The following TMUB1 variants were observed in gnomAD, a reference collection of about 807,000 sequenced individuals.
TMUB1 encodes the protein transmembrane and ubiquitin-like domain-containing protein 1.
A neutral mutation model predicts 16.2 loss-of-function variants in TMUB1; 9 were observed. The observed-to-expected ratio is 0.55, with a 90% CI of 0.33 to 0.97. The LOEUF (loss-of-function observed/expected upper bound fraction) is 0.97, where lower values mean the gene tolerates loss of function less well. Ranked by LOEUF, TMUB1 falls within the 50% of genes least tolerant of loss-of-function variation. The probability of loss-of-function intolerance (pLI) is 0.03; values close to 1 mark genes in which losing one functional copy is unlikely to be tolerated. For missense variants in TMUB1, 309 were observed against 313.5 expected (o/e 0.99, Z 0.11); for synonymous variants, 155 against 152.2 (o/e 1.02, Z -0.13).
chr7:151,081,336 G>T lies in TMUB1; in HGVS notation c.*213C>A. Reference sequence around the variant, plus strand: ...GAGCCCACTCCCAGTGCGGGCTGAGGGTCAGCAGCCCCGGGAGGTGGCCCC... The same window carrying T: ...GAGCCCACTCCCAGTGCGGGCTGAGTGTCAGCAGCCCCGGGAGGTGGCCCC... On this transcript the variant is annotated 3_prime_UTR_variant, in exon 3 of 3. Transcript: ENST00000297533. This position sits in a 1 kb window ranked among gnomAD's most constrained non-coding sequence, Gnocchi z 7.6. The T allele has an allele frequency of 1.1e-6, 1 of 871,594 alleles. No homozygotes were observed. The highest frequency in any genetic ancestry group is 1.5e-6 in the Non-Finnish European group (1 of 675,060). 54.0% of individuals were successfully genotyped at this position (871,594 alleles called of 1,614,324 possible). A position where few individuals can be genotyped will look rare whatever the true frequency, so the allele number is the denominator to read the frequency against.
chr7:151,082,540 A>C lies in TMUB1; in HGVS notation c.24T>G (p.Gly8=). 6.6e-7 allele frequency: 1 copy of C among 1,512,778 alleles called. No homozygotes were observed. The highest frequency in any genetic ancestry group is 8.9e-7 in the Non-Finnish European group (1 of 1,129,646). The allele number at this position is 1,512,778 out of a possible 1,614,324, so 93.7% of individuals were successfully genotyped here. Residue 8 remains glycine (G), a synonymous_variant, in exon 2 of 3, where the codon GGT becomes GGG. Transcript: ENST00000297533. The surrounding 1 kb of genome is among the most constrained non-coding windows in gnomAD (Gnocchi z 7.0). Reference sequence around the variant, plus strand: ...CCGAGAAAAGGACGGTCACCTCATCACCCACCCCTTCAATCAGGGTCATGG... The same window carrying C: ...CCGAGAAAAGGACGGTCACCTCATCCCCCACCCCTTCAATCAGGGTCATGG... The part of the protein sequence containing the change: MTLIEGV[G]DEVTVLFSVL...
chr7:151,082,203 G>A lies in TMUB1; in HGVS notation c.361C>T (p.Pro121Ser). The change falls in exon 2 of 3, where the codon CCC becomes TCC. Residue 121 changes from proline to serine, a missense_variant. By Grantham distance (74) the Pro-to-Ser change is moderately conservative. Coordinates refer to ENST00000297533, the MANE Select transcript of TMUB1 (RefSeq NM_001136044.2). The surrounding 1 kb of genome is among the most constrained non-coding windows in gnomAD (Gnocchi z 7.0). ...TTCAAGGAGCCAATGGTGTCGTGGG[G>A]CCAGGCCCTGGCCACCTGCTCTGAA... is the stretch of plus-strand genomic sequence containing the variant. ...NDSEQVARAW[P>S]HDTIGSLKRT... 1.3e-6 allele frequency: 2 copies of A among 1,520,648 alleles called. No homozygotes were observed. Among genetic ancestry groups the A allele is most frequent in the Non-Finnish European group, 1.8e-6 (2 of 1,132,742 alleles). 94.2% of individuals were successfully genotyped at this position (1,520,648 alleles called of 1,614,324 possible). A position where few individuals can be genotyped will look rare whatever the true frequency, so the allele number is the denominator to read the frequency against.
Position 151,081,648 on chromosome 7 carries a change from C to G in TMUB1, c.642G>C (p.Gln214His), listed in dbSNP as rs551246666. ...LLLLLLLWYC[Q>H]IQYRPFFPLT... ...GGGGAAAGAAGGGCCGGTACTGGAT[C>G]TGGCAGTACCAGAGCAGCAGCAACA... Residue 214 changes from glutamine (Q) to histidine (H), a missense_variant, in exon 3 of 3, where the codon CAG becomes CAC. Physicochemically the swap from Gln to His is conservative, Grantham distance 24 (BLOSUM62 0). Transcript: ENST00000297533. The surrounding 1 kb of genome is among the most constrained non-coding windows in gnomAD (Gnocchi z 7.6). The G allele has an allele frequency of 1.3e-6, 2 of 1,598,752 alleles. No homozygotes were observed. The highest frequency in any genetic ancestry group is 2.7e-5 in the African/African-American group (2 of 74,914).
At position 151,081,639 on chromosome 7, in the gene TMUB1, G is replaced by C. The variant is rs760266835; in HGVS notation, c.651C>G (p.Tyr217Ter). Residue 217 changes from tyrosine to a stop codon, truncating the protein, a stop_gained, in exon 3 of 3, where the codon TAC (tyrosine) becomes TAG (stop). Coordinates refer to ENST00000297533, the MANE Select transcript of TMUB1 (RefSeq NM_001136044.2). LOFTEE classifies it high-confidence loss of function. The surrounding 1 kb of genome is among the most constrained non-coding windows in gnomAD (Gnocchi z 7.6). ...TGGCGGTCAGGGGAAAGAAGGGCCG[G>C]TACTGGATCTGGCAGTACCAGAGCA... The part of the protein sequence containing the change: ...LLLLWYCQIQ[Y>*]RPFFPLTATL... 6.2e-7 allele frequency: 1 copy of C among 1,600,906 alleles called. No homozygotes were observed. Among genetic ancestry groups the C allele is most frequent in the South Asian group, 1.1e-5 (1 of 89,378 alleles).
In TMUB1 at chr7:151,082,240, T is replaced by C. The variant is rs371864118; in HGVS notation, c.324A>G (p.Lys108=). Reference sequence around the variant, plus strand: ...CCACCTGCTCTGAATCATTGAGGAATTTCAGCCGTAGCACGAGGGGCTCCT... The same window carrying C: ...CCACCTGCTCTGAATCATTGAGGAACTTCAGCCGTAGCACGAGGGGCTCCT... ...SPQEPLVLRL[K]FLNDSEQVAR... The change falls in exon 2 of 3, where the codon AAA becomes AAG. Residue 108 remains lysine, a synonymous_variant. Transcript: ENST00000297533. The surrounding 1 kb of genome is among the most constrained non-coding windows in gnomAD (Gnocchi z 7.0). 1.7e-5 allele frequency: 26 copies of C among 1,551,290 alleles called. 1 individual carries two copies. The highest frequency in any genetic ancestry group is 9.2e-5 in the East Asian group (4 of 43,516).
rs1798040130 is a variant in TMUB1, at chr7:151,083,022, G to C, written c.-31+412C>G. 6.4e-6 allele frequency: 1 copy of C among 156,304 alleles called. No individual in the cohort carries two copies. The highest frequency in any genetic ancestry group is 2.0e-4 in the South Asian group (1 of 4,890). 9.7% of individuals were successfully genotyped at this position (156,304 alleles called of 1,614,324 possible). On this transcript the variant is annotated intron_variant, in intron 1 of 2. Coordinates refer to ENST00000297533, the MANE Select transcript of TMUB1 (RefSeq NM_001136044.2). This position sits in a 1 kb window ranked among gnomAD's most constrained non-coding sequence, Gnocchi z 5.9. ...TCCGCTGCTAAAGTTTCTAAGAGGT[G>C]GGGGTAGAGCCTCTGTGCCCCCACC... is the stretch of plus-strand genomic sequence containing the variant.
Position 151,081,951 on chromosome 7 carries a change from C to A in TMUB1, c.390-51G>T. 6.9e-7 allele frequency: 1 copy of A among 1,451,692 alleles called. No homozygotes were observed. Among genetic ancestry groups the A allele is most frequent in the South Asian group, 1.4e-5 (1 of 69,022 alleles). The allele number at this position is 1,451,692 out of a possible 1,614,324, so 89.9% of individuals were successfully genotyped here. ...AGAGCAGGCCTCAGGCAATCCTAGT[C>A]CCTGGCCCCGGAACAGCACTCCCAC... On this transcript the variant is annotated intron_variant, in intron 2 of 2. Transcript: ENST00000297533. This position sits in a 1 kb window ranked among gnomAD's most constrained non-coding sequence, Gnocchi z 7.6.
chr7:151,082,461 C>G lies in TMUB1; in HGVS notation c.103G>C (p.Glu35Gln). 6.2e-7 allele frequency: 1 copy of G among 1,604,548 alleles called. No individual in the cohort carries two copies. The highest frequency in any genetic ancestry group is 8.5e-7 in the Non-Finnish European group (1 of 1,175,092). Residue 35 changes from glutamate (E) to glutamine (Q), a missense_variant, in exon 2 of 3, where the codon GAG (glutamate) becomes CAG (glutamine). Physicochemically the swap from Glu to Gln is conservative, Grantham distance 29. Coordinates refer to ENST00000297533, the MANE Select transcript of TMUB1 (RefSeq NM_001136044.2). The surrounding 1 kb of genome is among the most constrained non-coding windows in gnomAD (Gnocchi z 7.0). ...GGCTGGGGCAGTGGGTCCCCGCCCTCAGCGGTGTGCGTTGAGACCCAGGCA... is the reference window on the plus strand; with the variant it reads ...GGCTGGGGCAGTGGGTCCCCGCCCTGAGCGGTGTGCGTTGAGACCCAGGCA... ...ALAWVSTHTA[E>Q]GGDPLPQPSG...
In TMUB1 at chr7:151,081,562, A is replaced by G; in HGVS notation, c.728T>C (p.Met243Thr). ...TLLLSLLAFA[M>T]YRP is the part of the protein sequence containing the mutation. ...CCCGCGGAGGCACTACGGGCGGTAC[A>G]TGGCAAAGGCCAGGAGACTGAGGAG... The change falls in exon 3 of 3, where the codon ATG (methionine) becomes ACG (threonine). Residue 243 changes from methionine (M) to threonine (T), a missense_variant. Transcript: ENST00000297533. The surrounding 1 kb of genome is among the most constrained non-coding windows in gnomAD (Gnocchi z 7.6). 1 of 1,601,552 alleles carries G rather than the reference A, an allele frequency of 6.2e-7. No individual in the cohort carries two copies. Among genetic ancestry groups the G allele is most frequent in the Non-Finnish European group, 8.5e-7 (1 of 1,174,222 alleles).
chr7:151,082,581 C>G lies in TMUB1; in HGVS notation c.-18G>C. On this transcript the variant is annotated 5_prime_UTR_variant, in exon 2 of 3. Transcript: ENST00000297533. This position sits in a 1 kb window ranked among gnomAD's most constrained non-coding sequence, Gnocchi z 7.0. ...AGGGTCATGGCGCCTGCCTTGCCCG[C>G]CGCGCTACCGAGCTGGAGAGGCACA... 6.7e-7 allele frequency: 1 copy of G among 1,483,732 alleles called. No individual in the cohort carries two copies. The allele number at this position is 1,483,732 out of a possible 1,614,324, so 91.9% of individuals were successfully genotyped here.
Position 151,082,049 on chromosome 7 carries a change from G to T in TMUB1, c.389+126C>A. ...GTCTGCCAGGGGAACAAGTACAGTT[G>T]TGATCTGGGGCGCTCAGCGCCTCCA... On this transcript the variant is annotated intron_variant, in intron 2 of 2. Transcript: ENST00000297533. The surrounding 1 kb of genome is among the most constrained non-coding windows in gnomAD (Gnocchi z 7.0). 9.2e-6 allele frequency: 13 copies of T among 1,415,136 alleles called. No homozygotes were observed. The highest frequency in any genetic ancestry group is 1.2e-5 in the Non-Finnish European group (13 of 1,065,054). The allele number at this position is 1,415,136 out of a possible 1,614,324, so 87.7% of individuals were successfully genotyped here.
chr7:151,081,166 A>C lies in TMUB1; in HGVS notation c.*383T>G. 1 of 203,584 alleles carries C rather than the reference A, an allele frequency of 4.9e-6. No homozygotes were observed. Among genetic ancestry groups the C allele is most frequent in the Non-Finnish European group, 9.8e-6 (1 of 101,830 alleles). 12.6% of individuals were successfully genotyped at this position (203,584 alleles called of 1,614,324 possible). ...CCCCGCTCCCCTTCACCAGCCTCCC[A>C]CCGACCTGGCGTCCCCAACTCAGCC... On this transcript the variant is annotated 3_prime_UTR_variant, in exon 3 of 3. Transcript: ENST00000297533. This position sits in a 1 kb window ranked among gnomAD's most constrained non-coding sequence, Gnocchi z 7.6.
Position 151,082,612 on chromosome 7 carries a change from C to A in TMUB1, c.-30-19G>T. ...TACCGAGCTGGAGAGGCACAAAGAG[C>A]CCGTGAGGCCCGGGCCCCCTGGCCA... is the stretch of plus-strand genomic sequence containing the variant. On this transcript the variant is annotated intron_variant, in intron 1 of 2. Transcript: ENST00000297533. The surrounding 1 kb of genome is among the most constrained non-coding windows in gnomAD (Gnocchi z 7.0). 1 of 1,455,542 alleles carries A rather than the reference C, an allele frequency of 6.9e-7. No homozygotes were observed. The highest frequency in any genetic ancestry group is 9.1e-7 in the Non-Finnish European group (1 of 1,103,158). The allele number at this position is 1,455,542 out of a possible 1,614,324, so 90.2% of individuals were successfully genotyped here. A position where few individuals can be genotyped will look rare whatever the true frequency, so the allele number is the denominator to read the frequency against.
rs759877379 is a variant in TMUB1, at chr7:151,082,553, A to C, written c.11T>G (p.Ile4Ser). Residue 4 changes from isoleucine to serine, a missense_variant, in exon 2 of 3, where the codon ATT (isoleucine) becomes AGT (serine). Transcript: ENST00000297533. The surrounding 1 kb of genome is among the most constrained non-coding windows in gnomAD (Gnocchi z 7.0). MTLIEGVGDEVTVL... is the reference protein window; with the variant it reads MTLSEGVGDEVTVL... ...GGTCACCTCATCACCCACCCCTTCA[A>C]TCAGGGTCATGGCGCCTGCCTTGCC... 1 of 1,501,858 alleles carries C rather than the reference A, an allele frequency of 6.7e-7. No homozygotes were observed. Among genetic ancestry groups the C allele is most frequent in the Non-Finnish European group, 8.9e-7 (1 of 1,123,966 alleles). The allele number at this position is 1,501,858 out of a possible 1,614,324, so 93.0% of individuals were successfully genotyped here. A position where few individuals can be genotyped will look rare whatever the true frequency, so the allele number is the denominator to read the frequency against.
Position 151,082,569 on chromosome 7 carries a change from C to T in TMUB1, c.-6G>A. ...ACCCCTTCAATCAGGGTCATGGCGC[C>T]TGCCTTGCCCGCCGCGCTACCGAGC... On this transcript the variant is annotated 5_prime_UTR_variant, in exon 2 of 3. Transcript: ENST00000297533. This position sits in a 1 kb window ranked among gnomAD's most constrained non-coding sequence, Gnocchi z 7.0. 6.7e-7 allele frequency: 1 copy of T among 1,487,566 alleles called. No individual in the cohort carries two copies. The highest frequency in any genetic ancestry group is 8.9e-7 in the Non-Finnish European group (1 of 1,118,080). 92.1% of individuals were successfully genotyped at this position (1,487,566 alleles called of 1,614,324 possible).
In TMUB1 at chr7:151,082,060, C is replaced by T. The variant is rs367787552; in HGVS notation, c.389+115G>A. On this transcript the variant is annotated intron_variant, in intron 2 of 2. Coordinates refer to ENST00000297533, the MANE Select transcript of TMUB1 (RefSeq NM_001136044.2). The surrounding 1 kb of genome is among the most constrained non-coding windows in gnomAD (Gnocchi z 7.0). ...GAACAAGTACAGTTGTGATCTGGGGCGCTCAGCGCCTCCAGTATAAAGGAG... is the reference window on the plus strand; with the variant it reads ...GAACAAGTACAGTTGTGATCTGGGGTGCTCAGCGCCTCCAGTATAAAGGAG... 236 of 1,422,346 alleles carry T rather than the reference C, an allele frequency of 1.7e-4. 1 individual carries two copies. In the East Asian group the frequency reaches 4.3e-3, roughly 26 times the overall value. 88.1% of individuals were successfully genotyped at this position (1,422,346 alleles called of 1,614,324 possible). A position where few individuals can be genotyped will look rare whatever the true frequency, so the allele number is the denominator to read the frequency against.
In TMUB1 at chr7:151,082,712, T is replaced by G; in HGVS notation, c.-30-119A>C. On this transcript the variant is annotated intron_variant, in intron 1 of 2. Coordinates refer to ENST00000297533, the MANE Select transcript of TMUB1 (RefSeq NM_001136044.2). This position sits in a 1 kb window ranked among gnomAD's most constrained non-coding sequence, Gnocchi z 7.0. The stretch of plus-strand genomic sequence containing the variant: ...CCCACCGTCCTCAGCCTCCGTCCCC[T>G]CACCCACCCCAGGGTACCGGCTTCT... 7 of 806,144 alleles carry G rather than the reference T, an allele frequency of 8.7e-6. No homozygotes were observed. The highest frequency in any genetic ancestry group is 8.5e-6 in the Non-Finnish European group (5 of 587,180). The allele number at this position is 806,144 out of a possible 1,614,324, so 49.9% of individuals were successfully genotyped here.
At position 151,081,348 on chromosome 7, in the gene TMUB1, C is replaced by G; in HGVS notation, c.*201G>C. ...AGTGCGGGCTGAGGGTCAGCAGCCC[C>G]GGGAGGTGGCCCCGAGCCCCGGCGG... On this transcript the variant is annotated 3_prime_UTR_variant, in exon 3 of 3. Transcript: ENST00000297533. This position sits in a 1 kb window ranked among gnomAD's most constrained non-coding sequence, Gnocchi z 7.6. 1.0e-6 allele frequency: 1 copy of G among 978,748 alleles called. No homozygotes were observed. Among genetic ancestry groups the G allele is most frequent in the East Asian group, 4.1e-5 (1 of 24,556 alleles). 60.6% of individuals were successfully genotyped at this position (978,748 alleles called of 1,614,324 possible). A position where few individuals can be genotyped will look rare whatever the true frequency, so the allele number is the denominator to read the frequency against.
chr7:151,081,340 A>C lies in TMUB1; in HGVS notation c.*209T>G. The C allele has an allele frequency of 1.1e-6, 1 of 896,072 alleles. No individual in the cohort carries two copies. Among genetic ancestry groups the C allele is most frequent in the Non-Finnish European group, 1.4e-6 (1 of 697,458 alleles). The allele number at this position is 896,072 out of a possible 1,614,324, so 55.5% of individuals were successfully genotyped here. A position where few individuals can be genotyped will look rare whatever the true frequency, so the allele number is the denominator to read the frequency against. ...CCACTCCCAGTGCGGGCTGAGGGTC[A>C]GCAGCCCCGGGAGGTGGCCCCGAGC... is the stretch of plus-strand genomic sequence containing the variant. On this transcript the variant is annotated 3_prime_UTR_variant, in exon 3 of 3. Coordinates refer to ENST00000297533, the MANE Select transcript of TMUB1 (RefSeq NM_001136044.2). This position sits in a 1 kb window ranked among gnomAD's most constrained non-coding sequence, Gnocchi z 7.6.
Sources: allele counts gnomAD v4.1 joint callset, GRCh38; gene constraint gnomAD v4.1.1; non-coding constraint Gnocchi (gnomAD v3.1); transcripts MANE v1.5; gene names NCBI Gene and HGNC (gene_info 2026-07-23, HGNC 2026-07-21).